WWP1: variants seen among roughly 807,000 people sequenced by gnomAD.
WWP1 encodes NEDD4-like E3 ubiquitin-protein ligase WWP1.
A neutral mutation model predicts 130.6 loss-of-function variants in WWP1; 49 were observed. The observed-to-expected ratio is 0.38, with a 90% confidence interval of 0.30 to 0.48. The LOEUF (loss-of-function observed/expected upper bound fraction) is 0.48. WWP1 is among the 20% of genes least tolerant of loss of function. The probability of loss-of-function intolerance (pLI) is 0.99; values close to 1 mark genes in which losing one functional copy is unlikely to be tolerated. For synonymous variants in WWP1, 332 were observed against 367.8 expected (o/e 0.90, Z 1.11); for missense variants, 809 against 1,100.6 (o/e 0.74, Z 3.75).
chr8:86,459,733 C>G (rs1811657061), intron 22 of WWP1, among the ~76,000 whole-genome samples: 4 of 152,186 alleles, frequency 2.6e-5, no homozygotes, highest in Admixed American at 2.0e-4. Context: ...CCCTTTCAGG[C>G]TTTTTACTAG....
intron 17 of WWP1, among the ~76,000 whole-genome samples, chr8:86,439,357 A>T (rs76457759): frequency 0.048 from 7,231 of 150,304 alleles, 264 homozygotes; most frequent in Non-Finnish European, 0.075. Context: ...AAAAAAAAAA[A>T]GTTTTTAAAG....
intron 1 of WWP1, among the ~76,000 whole-genome samples, chr8:86,351,637 CAA>C (rs924730397): frequency 7.4e-5 from 11 of 149,564 alleles, no homozygotes; most frequent in Non-Finnish European, 1.2e-4. Flanking sequence ...GCCAAATAAA[CAA>C]AAAAAAAGTT....
intron 8 of WWP1, among the ~76,000 whole-genome samples, chr8:86,406,340 C>T (rs1457988354): frequency 6.6e-6 from 1 of 152,114 alleles, no homozygotes; most frequent in Non-Finnish European, 1.5e-5. Flanking sequence ...TTCCTCTGGT[C>T]ATAACTTCTA....
intron 14 of WWP1, among the ~76,000 whole-genome samples, chr8:86,432,175 G>A (rs1320162496): frequency 6.6e-6 from 1 of 152,164 alleles, no homozygotes; most frequent in Non-Finnish European, 1.5e-5. Context: ...GCTGCAATGA[G>A]ATGGTCAGTG....
intron 1 of WWP1, among the ~76,000 whole-genome samples, chr8:86,355,131 C>T (rs147250288): frequency 6.6e-6 from 1 of 152,174 alleles, no homozygotes; most frequent in African/African-American, 2.4e-5. Context: ...AAAATTGGCA[C>T]TTTGGAATTG....
At chr8:86,401,419 G>A (rs2130504146) in intron 7 of WWP1, among the ~76,000 whole-genome samples, 1 of 151,936 alleles carries the variant, frequency 6.6e-6, no homozygotes, top group Non-Finnish European at 1.5e-5. Flanking sequence ...AATTAGCTGG[G>A]CACTGTGATG....
intron 1 of WWP1, among the ~76,000 whole-genome samples, chr8:86,355,563 A>G (rs893803317): frequency 6.6e-6 from 1 of 152,238 alleles, no homozygotes; most frequent in Non-Finnish European, 1.5e-5. Context: ...ATAAGAGATT[A>G]TACTGAAGTT....
At position 86,431,507 on chromosome 8, in the gene WWP1, G is replaced by A. The variant is rs1453144882; in HGVS notation, c.1472+17G>A. The A allele has an allele frequency of 6.2e-7, 1 of 1,611,942 alleles. No homozygotes were observed. Among genetic ancestry groups the A allele is most frequent in the Non-Finnish European group, 8.5e-7 (1 of 1,178,882 alleles). On this transcript the variant is annotated intron_variant, in intron 13 of 24. Transcript: ENST00000517970. ...AACTCAAGGGTATGTATATACAGCA[G>A]CCTTAAGTCGTCTTGCATATATCAG...
intron 5 of WWP1, among the ~76,000 whole-genome samples, chr8:86,384,283 GTAAA>G (rs775489225): frequency 3.3e-5 from 5 of 152,048 alleles, no homozygotes; most frequent in East Asian, 1.9e-4. Flanking sequence ...CAAACAAAAG[GTAAA>G]TAAATTTATT....
intron 10 of WWP1, among the ~76,000 whole-genome samples, chr8:86,426,880 C>T (rs1338069034): frequency 2.0e-5 from 3 of 152,090 alleles, no homozygotes; most frequent in Non-Finnish European, 4.4e-5. Flanking sequence ...AAGGAGAGGC[C>T]GGGCATGGTG....
At chr8:86,452,815 A>C in intron 21 of WWP1, 136 bp downstream of exon 21, 1 of 1,122,796 alleles carries the variant, frequency 8.9e-7, no homozygotes, top group Non-Finnish European at 1.3e-6. Context: ...TCCTGATGTC[A>C]AGGTGGTATT....
Position 86,430,725 on chromosome 8 carries a change from C to T in WWP1, c.1361C>T (p.Pro454Leu). ...SASMLAAEND[P>L]YGPLPPGWEK... is the part of the protein sequence containing the mutation. ...TCAATGTTAGCTGCAGAAAATGACC[C>T]TTATGGACCTTTGCCACCAGGCTGG... The change falls in exon 12 of 25, where the codon CCT becomes CTT. Residue 454 changes from proline to leucine, a missense_variant. By Grantham distance (98) the Pro-to-Leu change is moderately conservative (BLOSUM62 -3). Coordinates refer to ENST00000517970, the MANE Select transcript of WWP1 (RefSeq NM_007013.4). 1 of 1,575,780 alleles carries T rather than the reference C, an allele frequency of 6.3e-7. No individual in the cohort carries two copies. Among genetic ancestry groups the T allele is most frequent in the Non-Finnish European group, 8.6e-7 (1 of 1,159,894 alleles).
Position 86,458,043 on chromosome 8 carries a change from T to C in WWP1, c.2499+18T>C, listed in dbSNP as rs191314772. ...TTTGGCAGGTATTTGCTTTTATCTT[T>C]TTTGAAACAAAGTACTCAACATATT... is the stretch of plus-strand genomic sequence containing the variant. On this transcript the variant is annotated intron_variant, in intron 22 of 24. Transcript: ENST00000517970. 32 of 1,598,094 alleles carry C rather than the reference T, an allele frequency of 2.0e-5. No homozygotes were observed. In the East Asian group the frequency reaches 6.9e-4, roughly 35 times the overall value.
rs1265378194 is a variant in WWP1 at position 86,370,744 on chromosome 8, A to G, written c.-22+1713A>G. On this transcript the variant is annotated intron_variant, in intron 2 of 24. Coordinates refer to ENST00000517970, the MANE Select transcript of WWP1 (RefSeq NM_007013.4). ...GTGTAGAATGTTAAATCTTGGAGACAGAACTGAGAAGAAGGTGTTAATGCT... is the reference window on the plus strand; with the variant it reads ...GTGTAGAATGTTAAATCTTGGAGACGGAACTGAGAAGAAGGTGTTAATGCT... 2.6e-5 allele frequency among the ~76,000 whole-genome samples: 4 copies of G among 152,084 alleles called. 1 individual carries two copies.
chr8:86,354,985 T>A (rs747647939), intron 1 of WWP1, among the ~76,000 whole-genome samples: 1 of 152,178 alleles, frequency 6.6e-6, no homozygotes, highest in African/African-American at 2.4e-5. Context: ...TTGGTGTTAT[T>A]ATCCTCATTT....
chr8:86,362,047 C>CACACATATATATAT (rs1563465388), intron 1 of WWP1, among the ~76,000 whole-genome samples: 8 of 90,920 alleles, frequency 8.8e-5, no homozygotes, highest in Non-Finnish European at 1.4e-4. Context: ...CATATATATA[C>CACACATATATATAT]ACACATATAT....
intron 5 of WWP1, among the ~76,000 whole-genome samples, chr8:86,382,268 TAGTTTAG>T (rs1369478607): frequency 6.6e-6 from 1 of 152,162 alleles, no homozygotes; most frequent in African/African-American, 2.4e-5. Context: ...GATTTTAAGG[TAGTTTAG>T]AGTTTAATTA....
intron 8 of WWP1, among the ~76,000 whole-genome samples, chr8:86,408,878 C>G (rs1025129883): frequency 6.6e-6 from 1 of 151,970 alleles, no homozygotes; most frequent in Non-Finnish European, 1.5e-5. Flanking sequence ...CTACTGCACT[C>G]CAACCTGGGT....
chr8:86,404,531 T>A (rs1808169235), intron 8 of WWP1, among the ~76,000 whole-genome samples: 1 of 152,208 alleles, frequency 6.6e-6, no homozygotes, highest in Admixed American at 6.5e-5. Flanking sequence ...TATTCTTGCC[T>A]AAAATTTTAA....
Sources: gnomAD v4.1 joint callset for allele counts (sites outside exome capture counted in the v4.1 genomes callset) on GRCh38, gnomAD v4.1.1 for gene constraint, MANE v1.5 for transcripts, NCBI Gene and HGNC (gene_info 2026-07-23, HGNC 2026-07-21) for gene names.